Variants in BCAS3 observed in about 807,000 individuals in gnomAD.
The protein encoded by BCAS3 is BCAS4/BCAS3 fusion.
Under a neutral mutation model 116.1 loss-of-function variants are expected in BCAS3, and 53 were observed. The observed-to-expected ratio is 0.46, with a 90% CI of 0.37 to 0.57. The LOEUF (loss-of-function observed/expected upper bound fraction) is 0.57, where lower values mean the gene tolerates loss of function less well. Among genes scored for constraint, BCAS3 ranks in the 20% least tolerant of loss-of-function variants. The probability of loss-of-function intolerance (pLI) is 0.00; values close to 1 mark genes in which losing one functional copy is unlikely to be tolerated. For missense variants in BCAS3, 917 were observed against 1,165.4 expected (o/e 0.79, Z 3.10); for synonymous variants, 391 against 408.2 (o/e 0.96, Z 0.51).
chr17:60,903,304 G>A (rs2058016602), intron 11 of BCAS3, among the ~76,000 whole-genome samples: 1 of 152,174 alleles, frequency 6.6e-6, no homozygotes, highest in Non-Finnish European at 1.5e-5. Context: ...AAACCACAGA[G>A]TGGGAATCAA....
chr17:61,052,820 T>C (rs2069003567), intron 19 of BCAS3, among the ~76,000 whole-genome samples: 1 of 150,850 alleles, frequency 6.6e-6, no homozygotes, highest in African/African-American at 2.4e-5. Flanking sequence ...CCGGATCAAG[T>C]GATCCTCCTG....
chr17:60,996,279 C>A (rs1424999169), intron 15 of BCAS3, among the ~76,000 whole-genome samples: 1 of 151,966 alleles, frequency 6.6e-6, no homozygotes, highest in Non-Finnish European at 1.5e-5. Flanking sequence ...TTAGTTGAGA[C>A]CAGTTAGGAG....
intron 22 of BCAS3, among the ~76,000 whole-genome samples, chr17:61,266,316 GAC>G (rs2049707192): frequency 6.6e-6 from 1 of 152,176 alleles, no homozygotes; most frequent in South Asian, 2.1e-4. Flanking sequence ...AAGAGAAAGA[GAC>G]ACACACCATC....
intron 11 of BCAS3, among the ~76,000 whole-genome samples, chr17:60,904,140 T>C (rs574661646): frequency 6.6e-6 from 1 of 152,320 alleles, no homozygotes; most frequent in East Asian, 1.9e-4. Flanking sequence ...GCGCTGTGGC[T>C]CATGCCTGTA....
At position 61,355,589 on chromosome 17, in the gene BCAS3, C is replaced by T. The variant is rs1353770349; in HGVS notation, c.2426-12738C>T. On this transcript the variant is annotated intron_variant, in intron 22 of 23. Transcript: ENST00000407086. The surrounding 1 kb of genome is among the most constrained non-coding windows in gnomAD (Gnocchi z 4.2). Reference sequence around the variant, plus strand: ...CCCTTGACCTTGTCATCTTAAGCAACAATCTTACTTCTCTCTGCCACAGTT... The same window carrying T: ...CCCTTGACCTTGTCATCTTAAGCAATAATCTTACTTCTCTCTGCCACAGTT... Among the ~76,000 whole-genome samples the T allele has an allele frequency of 6.6e-6, 1 of 152,220 alleles. No individual in the cohort carries two copies. The highest frequency in any genetic ancestry group is 2.4e-5 in the African/African-American group (1 of 41,450).
rs1184678711 is a variant in BCAS3 at position 61,214,518 on chromosome 17, A to G, written c.2425+129954A>G. 3.1e-5 allele frequency among the ~76,000 whole-genome samples: 3 copies of G among 96,850 alleles called. No individual in the cohort carries two copies. Among genetic ancestry groups the G allele is most frequent in the Non-Finnish European group, 4.1e-5 (2 of 48,856 alleles). 63.5% of individuals were successfully genotyped at this position (96,850 alleles called of 152,430 possible). On this transcript the variant is annotated intron_variant, in intron 22 of 23. Transcript: ENST00000407086. This position sits in a 1 kb window ranked among gnomAD's most constrained non-coding sequence, Gnocchi z 4.4. ...GCTAACATGGTGAAACCCCGTCTCT[A>G]CTAAAAATACCAAAAAAAAAAAATT...
At chr17:61,044,186 G>GC (rs1282469809) in intron 19 of BCAS3, among the ~76,000 whole-genome samples, 1 of 151,788 alleles carries the variant, frequency 6.6e-6, no homozygotes, top group Non-Finnish European at 1.5e-5. Flanking sequence ...GGTGGCTCAG[G>GC]CCTGTAATCC....
intron 22 of BCAS3, among the ~76,000 whole-genome samples, chr17:61,304,426 C>T (rs1258667120): frequency 6.6e-6 from 1 of 152,204 alleles, no homozygotes; most frequent in African/African-American, 2.4e-5. Flanking sequence ...TCCAGTGCCA[C>T]CAGATTTCTT....
At position 60,993,066 on chromosome 17, in the gene BCAS3, T is replaced by A. The variant is rs2063630364; in HGVS notation, c.1486+2831T>A. On this transcript the variant is annotated intron_variant, in intron 15 of 23. Transcript: ENST00000407086. The surrounding 1 kb of genome is among the most constrained non-coding windows in gnomAD (Gnocchi z 4.2). ...CCTTGAGCTTCTTTTTTGTTCTTAT[T>A]CTTGCTTCTTTATACAGCAAACCAC... Among the ~76,000 whole-genome samples, 1 of 152,218 alleles carries A rather than the reference T, an allele frequency of 6.6e-6. No individual in the cohort carries two copies. Among genetic ancestry groups the A allele is most frequent in the Admixed American group, 6.5e-5 (1 of 15,284 alleles).
In BCAS3 at chr17:61,124,396, T is replaced by C. The variant is rs1344031597; in HGVS notation, c.2425+39832T>C. ...GTCTATAAAAGTAGGGATTATAATA[T>C]AACAATGCATCTTTTTATTTAGTTT... On this transcript the variant is annotated intron_variant, in intron 22 of 23. Transcript: ENST00000407086. The surrounding 1 kb of genome is among the most constrained non-coding windows in gnomAD (Gnocchi z 4.6). Among the ~76,000 whole-genome samples, 1 of 152,190 alleles carries C rather than the reference T, an allele frequency of 6.6e-6. No homozygotes were observed. The highest frequency in any genetic ancestry group is 1.9e-4 in the East Asian group (1 of 5,192).
At chr17:61,322,844 G>C (rs940823820) in intron 22 of BCAS3, among the ~76,000 whole-genome samples, 19 of 145,336 alleles carry the variant, frequency 1.3e-4, no homozygotes, top group Middle Eastern at 3.6e-3. Context: ...GAGAGAGAGA[G>C]AGAGAGAGAG....
intron 7 of BCAS3, among the ~76,000 whole-genome samples, chr17:60,846,689 C>G (rs1370892449): frequency 6.6e-6 from 1 of 151,980 alleles, no homozygotes; most frequent in Admixed American, 6.6e-5. Context: ...TTATTTTCCT[C>G]TCTGTCTCTG....
At chr17:61,133,108 CTGGGCTTTTT>C (rs2076426323) in intron 22 of BCAS3, among the ~76,000 whole-genome samples, 1 of 152,174 alleles carries the variant, frequency 6.6e-6, no homozygotes, top group African/African-American at 2.4e-5. Flanking sequence ...TATGGCTTTT[CTGGGCTTTTT>C]ACCTCTGTCT....
rs1048561748 is a variant in BCAS3, at chr17:61,381,331, C to G, written c.2594-10646C>G. Among the ~76,000 whole-genome samples the G allele has an allele frequency of 3.9e-5, 6 of 152,226 alleles. No homozygotes were observed. The highest frequency in any genetic ancestry group is 2.1e-4 in the South Asian group (1 of 4,834). On this transcript the variant is annotated intron_variant, in intron 23 of 23. Transcript: ENST00000407086. This position sits in a 1 kb window ranked among gnomAD's most constrained non-coding sequence, Gnocchi z 6.0. ...TAGAGCCCCGGCACCAGCAGCCAGT[C>G]TGTGAGCACCGCACAAAGGCAGACC... is the stretch of plus-strand genomic sequence containing the variant.
intron 16 of BCAS3, among the ~76,000 whole-genome samples, chr17:61,018,675 G>A (rs908861320): frequency 2.6e-5 from 4 of 151,888 alleles, no homozygotes; most frequent in African/African-American, 7.3e-5. Context: ...ACACTAACAC[G>A]TCATTCACGT....
chr17:60,895,996 T>A (rs1429060990), intron 10 of BCAS3, among the ~76,000 whole-genome samples: 1 of 152,250 alleles, frequency 6.6e-6, no homozygotes, highest in Non-Finnish European at 1.5e-5. Flanking sequence ...TTGGATAGAA[T>A]GCTCTATAAG....
rs147494387 is a variant in BCAS3, at chr17:61,214,068, G to A, written c.2425+129504G>A. On this transcript the variant is annotated intron_variant, in intron 22 of 23. Transcript: ENST00000407086. The surrounding 1 kb of genome is among the most constrained non-coding windows in gnomAD (Gnocchi z 4.4). ...CCTAGCATGGCTGGTTTCAAAACTCGTTTGAGCTATAGGAATAGGCCATTC... is the reference window on the plus strand; with the variant it reads ...CCTAGCATGGCTGGTTTCAAAACTCATTTGAGCTATAGGAATAGGCCATTC... Among the ~76,000 whole-genome samples, 564 of 152,074 alleles carry A rather than the reference G, an allele frequency of 3.7e-3. 3 individuals carry two copies. Among genetic ancestry groups the A allele is most frequent in the African/African-American group, 0.013 (541 of 41,488 alleles).
rs1374959333 is a variant in BCAS3, at chr17:61,324,043, G to A, written c.2426-44284G>A. ...TGGAATCCTCACACTTCTTTGGCTGGAGCCGCCTTCCTCTGTGTTCTCAGT... is the reference window on the plus strand; with the variant it reads ...TGGAATCCTCACACTTCTTTGGCTGAAGCCGCCTTCCTCTGTGTTCTCAGT... On this transcript the variant is annotated intron_variant, in intron 22 of 23. Coordinates refer to ENST00000407086, the MANE Select transcript of BCAS3 (RefSeq NM_017679.5). This position sits in a 1 kb window ranked among gnomAD's most constrained non-coding sequence, Gnocchi z 4.6. Among the ~76,000 whole-genome samples the A allele has an allele frequency of 6.6e-6, 1 of 152,204 alleles. No individual in the cohort carries two copies. The highest frequency in any genetic ancestry group is 1.5e-5 in the Non-Finnish European group (1 of 68,032).
At position 61,355,260 on chromosome 17, in the gene BCAS3, G is replaced by A. The variant is rs1316426476; in HGVS notation, c.2426-13067G>A. On this transcript the variant is annotated intron_variant, in intron 22 of 23. Coordinates refer to ENST00000407086, the MANE Select transcript of BCAS3 (RefSeq NM_017679.5). This position sits in a 1 kb window ranked among gnomAD's most constrained non-coding sequence, Gnocchi z 4.2. ...ATCTGGTTTTTGAAACATCTTCTTTGACTAATAAAAACAGAAGACTTCTTG... is the reference window on the plus strand; with the variant it reads ...ATCTGGTTTTTGAAACATCTTCTTTAACTAATAAAAACAGAAGACTTCTTG... The A allele has an allele frequency of 6.6e-6, 1 of 152,180 alleles. No homozygotes were observed. The highest frequency in any genetic ancestry group is 1.5e-5 in the Non-Finnish European group (1 of 68,032). 9.4% of individuals were successfully genotyped at this position (152,180 alleles called of 1,614,324 possible).
Sources: gnomAD v4.1 joint callset for allele counts (sites outside exome capture counted in the v4.1 genomes callset) on GRCh38, gnomAD v4.1.1 for gene constraint, Gnocchi (gnomAD v3.1) non-coding constraint, MANE v1.5 for transcripts, NCBI Gene and HGNC (gene_info 2026-07-23, HGNC 2026-07-21) for gene names.